Variants in CAPN3 observed in about 807,000 individuals in gnomAD.
The protein encoded by CAPN3 is calpain 3, also known as calpain-3.
CAPN3 carries 88 observed loss-of-function variants against 114.0 expected under a neutral mutation model. That is an observed-to-expected ratio of 0.77 (90% CI 0.65 to 0.92). The LOEUF is 0.92. CAPN3 is among the 40% of genes least tolerant of loss of function. The pLI is 0.00. For synonymous variants in CAPN3, 386 were observed against 382.9 expected (o/e 1.01, Z -0.09); for missense variants, 1,028 against 1,069.0 (o/e 0.96, Z 0.53).
Position 42,402,082 on chromosome 15 carries a change from T to A in CAPN3, c.1525-42T>A, listed in dbSNP as rs767964057. 19 of 1,613,640 alleles carry A rather than the reference T, an allele frequency of 1.2e-5. 1 individual carries two copies. In the South Asian group the frequency reaches 2.1e-4, roughly 18 times the overall value. ...ATTGCCTTCCGCAGGCTCCTCATCC[T>A]CATTCACATCTGAAGCATCTTCCTT... On this transcript the variant is annotated intron_variant, in intron 11 of 23. Transcript: ENST00000397163.
chr15:42,389,238 G>T, intron 5 of CAPN3, 142 bp downstream of exon 5: 2 of 764,832 alleles, frequency 2.6e-6, no homozygotes, highest in Admixed American at 2.4e-5. Context: ...TCAACTTTGA[G>T]GACTGGGAAT....
chr15:42,367,211 G>A (rs1404334982), intron 1 of CAPN3, among the ~76,000 whole-genome samples: 2 of 152,118 alleles, frequency 1.3e-5, no homozygotes, highest in Admixed American at 6.6e-5. Context: ...TCCTATTTTG[G>A]TTTACACAAG....
chr15:42,410,101 G>A, intron 19 of CAPN3, 106 bp downstream of exon 19: 1 of 994,804 alleles, frequency 1.0e-6, no homozygotes, highest in South Asian at 1.3e-5. Context: ...TGTGCCCAGG[G>A]AAACTTAAGG....
At chr15:42,400,288 G>A (rs2053827874) in intron 10 of CAPN3, among the ~76,000 whole-genome samples, 1 of 152,184 alleles carries the variant, frequency 6.6e-6, no homozygotes, top group African/African-American at 2.4e-5. Context: ...AATAGTTCAA[G>A]TCAGAGATGA....
intron 2 of CAPN3, 53 bp downstream of exon 2, chr15:42,384,605 A>G: frequency 7.7e-7 from 1 of 1,301,014 alleles, no homozygotes; most frequent in Non-Finnish European, 1.1e-6. Context: ...GGTGATTACA[A>G]GGTGTGATCC....
chr15:42,394,459 A>C, intron 8 of CAPN3, 118 bp downstream of exon 8: 1 of 830,202 alleles, frequency 1.2e-6, no homozygotes, highest in Non-Finnish European at 2.0e-6. Flanking sequence ...CACCCTCAAA[A>C]CCAATGATCC....
At chr15:42,390,800 T>G (rs1281113955) in intron 6 of CAPN3, among the ~76,000 whole-genome samples, 2 of 150,582 alleles carry the variant, frequency 1.3e-5, no homozygotes, top group Non-Finnish European at 3.0e-5. Context: ...GTTTTTTTTT[T>G]TTTTTTTGGA....
chr15:42,370,016 G>A (rs987090747), intron 1 of CAPN3, among the ~76,000 whole-genome samples: 7 of 151,938 alleles, frequency 4.6e-5, no homozygotes, highest in African/African-American at 1.7e-4. Flanking sequence ...GAGATTACAG[G>A]TGCCCGGCAC....
chr15:42,383,946 T>TA (rs1456592096), intron 1 of CAPN3, among the ~76,000 whole-genome samples: 1 of 152,042 alleles, frequency 6.6e-6, no homozygotes. Flanking sequence ...TGGGACAATG[T>TA]AAAAAGGAGG....
chr15:42,405,971 T>C (rs2054008466), intron 15 of CAPN3, 28 bp downstream of exon 15: 4 of 1,598,296 alleles, frequency 2.5e-6, no homozygotes, highest in Non-Finnish European at 3.4e-6. Flanking sequence ...GAGCATGAAG[T>C]GTGTGTACTC....
intron 1 of CAPN3, among the ~76,000 whole-genome samples, chr15:42,383,025 C>A (rs2053290817): frequency 6.6e-6 from 1 of 152,210 alleles, no homozygotes; most frequent in African/African-American, 2.4e-5. Context: ...TTCCTTCCCT[C>A]CCCATATAGG....
chr15:42,392,709 C>CG lies in CAPN3; in HGVS notation c.1020dup (p.Leu341AlafsTer3), dbSNP rs751395862. 6.2e-7 allele frequency: 1 copy of CG among 1,613,736 alleles called. No homozygotes were observed. The highest frequency in any genetic ancestry group is 8.5e-7 in the Non-Finnish European group (1 of 1,179,724). ...GTCAGAGGTCACGCCTACTCTGTCA[C>CG]GGGGCTGGATGAGGTAAGCCTGGTG... On this transcript the variant is annotated frameshift_variant, in exon 7 of 24. Coordinates refer to ENST00000397163, the MANE Select transcript of CAPN3 (RefSeq NM_000070.3). LOFTEE classifies it high-confidence loss of function.
chr15:42,359,998 C>T lies in CAPN3; in HGVS notation c.193C>T (p.His65Tyr). The T allele has an allele frequency of 6.2e-7, 1 of 1,614,230 alleles. No homozygotes were observed. The highest frequency in any genetic ancestry group is 8.5e-7 in the Non-Finnish European group (1 of 1,180,038). The change falls in exon 1 of 24, where the codon CAC becomes TAC. Residue 65 changes from histidine (H) to tyrosine (Y), a missense_variant. Physicochemically the swap from His to Tyr is moderately conservative, Grantham distance 83. Coordinates refer to ENST00000397163, the MANE Select transcript of CAPN3 (RefSeq NM_000070.3). Reference sequence around the variant, plus strand: ...GAAAGAGAAGACATTCGAGCAACTTCACAAGAAATGTCTAGAAAAGAAAGT... The same window carrying T: ...GAAAGAGAAGACATTCGAGCAACTTTACAAGAAATGTCTAGAAAAGAAAGT... ...GVKEKTFEQL[H>Y]KKCLEKKVLY...
At chr15:42,374,981 A>G (rs2053049791) in intron 1 of CAPN3, among the ~76,000 whole-genome samples, 2 of 142,056 alleles carry the variant, frequency 1.4e-5, no homozygotes, top group Admixed American at 1.5e-4. Flanking sequence ...ATTTGTTTAA[A>G]TAAAAATTTA....
Position 42,410,483 on chromosome 15 carries a change from T to C in CAPN3, c.2171T>C (p.Ile724Thr), listed in dbSNP as rs1479682556. Residue 724 changes from isoleucine to threonine, a missense_variant, in exon 20 of 24, where the codon ATT (isoleucine) becomes ACT (threonine). By Grantham distance (89) the Ile-to-Thr change is moderately conservative. Coordinates refer to ENST00000397163, the MANE Select transcript of CAPN3 (RefSeq NM_000070.3). ...GAGTTCCACCACCTCTGGAACAAGA[T>C]TAAGGCCTGGCAGGTGGGAAGAGAA... ...LQEFHHLWNKIKAWQKIFKHY... is the reference protein window; with the variant it reads ...LQEFHHLWNKTKAWQKIFKHY... 4 of 1,613,802 alleles carry C rather than the reference T, an allele frequency of 2.5e-6. No individual in the cohort carries two copies. In the Admixed American group the frequency reaches 6.7e-5, roughly 27 times the overall value.
chr15:42,384,585 A>T, intron 2 of CAPN3, 33 bp downstream of exon 2: 1 of 1,467,390 alleles, frequency 6.8e-7, no homozygotes, highest in Non-Finnish European at 9.6e-7. Context: ...ATCCTGCCAG[A>T]TGATCAAGGG....
Position 42,408,251 on chromosome 15 carries a change from A to G in CAPN3, c.1841A>G (p.Glu614Gly), listed in dbSNP as rs111525622. 13 of 1,613,764 alleles carry G rather than the reference A, an allele frequency of 8.1e-6. No homozygotes were observed. Among genetic ancestry groups the G allele is most frequent in the African/African-American group, 1.3e-5 (1 of 74,908 alleles). The change falls in exon 16 of 24, where the codon GAG (glutamate) becomes GGG (glycine). Residue 614 changes from glutamate to glycine, a missense_variant. Transcript: ENST00000397163. ...FVSDRANSNK[E>G]LGVDQESEEG... ...TCGGACAGAGCAAACAGCAACAAGGAGCTGGGTGTGGACCAGGAGTCAGAG... is the reference window on the plus strand; with the variant it reads ...TCGGACAGAGCAAACAGCAACAAGGGGCTGGGTGTGGACCAGGAGTCAGAG...
At chr15:42,385,992 C>G in intron 2 of CAPN3, 175 bp from the exon 3 acceptor site, 1 of 745,900 alleles carries the variant, frequency 1.3e-6, no homozygotes, top group Non-Finnish European at 2.5e-6. Context: ...CAAGGAATTC[C>G]TGTCCAATTC....
Position 42,387,768 on chromosome 15 carries a change from G to A in CAPN3, c.514G>A (p.Glu172Lys), listed in dbSNP as rs1454843789. The A allele has an allele frequency of 1.9e-6, 3 of 1,614,118 alleles. No individual in the cohort carries two copies. The highest frequency in any genetic ancestry group is 2.5e-6 in the Non-Finnish European group (3 of 1,180,044). The change falls in exon 4 of 24, where the codon GAG becomes AAG. Residue 172 changes from glutamate to lysine, a missense_variant. Physicochemically the swap from Glu to Lys is moderately conservative, Grantham distance 56 (BLOSUM62 1). Transcript: ENST00000397163. ...IFHFQFWRYG[E>K]WVDVVIDDCL... is the part of the protein sequence containing the mutation. ...TTCTGTGCAGTTCTGGCGCTATGGA[G>A]AGTGGGTGGACGTGGTTATAGATGA...
Sources: allele counts gnomAD v4.1 joint callset (sites outside exome capture counted in the v4.1 genomes callset), GRCh38; gene constraint gnomAD v4.1.1; transcripts MANE v1.5; gene names NCBI Gene and HGNC (gene_info 2026-07-23, HGNC 2026-07-21).